Variants in HS6ST3 observed in about 807,000 individuals in gnomAD.
HS6ST3 encodes heparan sulfate 6-O-sulfotransferase 3, also known as heparan-sulfate 6-O-sulfotransferase 3.
In HS6ST3, 12 loss-of-function variants were observed where a neutral mutation model predicts 36.7. The observed-to-expected ratio is 0.33, with a 90% CI of 0.21 to 0.53. The LOEUF is 0.53. Among genes scored for constraint, HS6ST3 ranks in the 20% least tolerant of loss-of-function variants. HS6ST3 has a pLI of 0.95. For synonymous variants in HS6ST3, 240 were observed against 257.5 expected, an observed-to-expected ratio of 0.93 and a Z score of 0.65; for missense variants, 584 against 640.9, an observed-to-expected ratio of 0.91 and a Z score of 0.96.
chr13:96,761,381 G>A (rs781604350), intron 1 of HS6ST3, among the ~76,000 whole-genome samples: 3 of 151,448 alleles, frequency 2.0e-5, no homozygotes, highest in Non-Finnish European at 4.4e-5. Context: ...GGCTCCTTTC[G>A]GTGAGACAGT....
At chr13:96,725,099 T>C (rs548091551) in intron 1 of HS6ST3, among the ~76,000 whole-genome samples, 8 of 152,332 alleles carry the variant, frequency 5.3e-5, no homozygotes, top group Admixed American at 1.3e-4. Flanking sequence ...TATCTGATAG[T>C]GCTTTTAATT....
intron 1 of HS6ST3, among the ~76,000 whole-genome samples, chr13:96,639,089 T>A (rs537926594): frequency 6.6e-6 from 1 of 152,118 alleles, no homozygotes; most frequent in South Asian, 2.1e-4. Context: ...TTTGTAGAGT[T>A]ATTCAAGATT....
At position 96,833,084 on chromosome 13, in the gene HS6ST3, G is replaced by A. The variant is rs2138551304; in HGVS notation, c.1302G>A (p.Arg434=). 1.9e-6 allele frequency: 3 copies of A among 1,610,390 alleles called. No homozygotes were observed. Among genetic ancestry groups the A allele is most frequent in the African/African-American group, 1.3e-5 (1 of 75,058 alleles). Residue 434 remains arginine, a synonymous_variant, in exon 2 of 2, where the codon CGG becomes CGA. Transcript: ENST00000376705. ...AGCACCAGAGGGACCGCCAGAAGCG[G>A]CGGGAGGAGCGGAGGCTGCAGCGAG... ...QLEHQRDRQK[R]REERRLQREH...
intron 1 of HS6ST3, among the ~76,000 whole-genome samples, chr13:96,692,710 G>T (rs1464618377): frequency 6.6e-6 from 1 of 151,914 alleles, no homozygotes; most frequent in Non-Finnish European, 1.5e-5. Flanking sequence ...TCTTTTTTCT[G>T]GAATAGCTTT....
chr13:96,408,931 A>C (rs190463182), intron 1 of HS6ST3, among the ~76,000 whole-genome samples: 2 of 152,248 alleles, frequency 1.3e-5, no homozygotes, highest in East Asian at 3.9e-4. Context: ...CTCAAAAAAA[A>C]AGAAAAGAAA....
At chr13:96,110,379 C>T (rs188650551) in intron 1 of HS6ST3, among the ~76,000 whole-genome samples, 51 of 151,840 alleles carry the variant, frequency 3.4e-4, no homozygotes, top group South Asian at 2.5e-3. Flanking sequence ...AAACACCCCC[C>T]TCCAGGCCTC....
At chr13:96,608,710 G>A (rs1360782147) in intron 1 of HS6ST3, among the ~76,000 whole-genome samples, 1 of 152,184 alleles carries the variant, frequency 6.6e-6, no homozygotes, top group African/African-American at 2.4e-5. Flanking sequence ...AGCAAAACCA[G>A]AGTAATTAGA....
chr13:96,122,485 T>C (rs973496750), intron 1 of HS6ST3, among the ~76,000 whole-genome samples: 1 of 152,198 alleles, frequency 6.6e-6, no homozygotes, highest in African/African-American at 2.4e-5. Flanking sequence ...TCTGCTCACA[T>C]TGTTGTATAG....
At chr13:96,106,185 T>A (rs972575113) in intron 1 of HS6ST3, among the ~76,000 whole-genome samples, 1 of 152,262 alleles carries the variant, frequency 6.6e-6, no homozygotes, top group Non-Finnish European at 1.5e-5. Flanking sequence ...TCTGATACTC[T>A]TTCCTTGAAG....
At chr13:96,207,757 T>C (rs753676642) in intron 1 of HS6ST3, among the ~76,000 whole-genome samples, 5 of 152,156 alleles carry the variant, frequency 3.3e-5, no homozygotes, top group Admixed American at 2.6e-4. Context: ...TTCTCACTTA[T>C]AAGTGGGAGC....
At chr13:96,521,323 C>T (rs915347198) in intron 1 of HS6ST3, among the ~76,000 whole-genome samples, 7 of 151,934 alleles carry the variant, frequency 4.6e-5, no homozygotes, top group East Asian at 3.9e-4. Context: ...TTTTTTGTGG[C>T]GTGTCTGCCA....
At chr13:96,605,722 A>G (rs2056436323) in intron 1 of HS6ST3, among the ~76,000 whole-genome samples, 1 of 152,146 alleles carries the variant, frequency 6.6e-6, no homozygotes, top group Non-Finnish European at 1.5e-5. Context: ...CAAATGGTTC[A>G]ATATTTTAAA....
At chr13:96,333,658 C>T (rs2055084473) in intron 1 of HS6ST3, among the ~76,000 whole-genome samples, 1 of 152,118 alleles carries the variant, frequency 6.6e-6, no homozygotes, top group African/African-American at 2.4e-5. Context: ...TAGAAGAATG[C>T]AGTAAAGCAT....
intron 1 of HS6ST3, among the ~76,000 whole-genome samples, chr13:96,130,017 A>T (rs1425811955): frequency 1.3e-5 from 2 of 152,186 alleles, no homozygotes. Flanking sequence ...AGTGTGTCTC[A>T]TTCCTGGTGC....
chr13:96,110,964 C>G (rs975588030), intron 1 of HS6ST3, among the ~76,000 whole-genome samples: 4 of 152,048 alleles, frequency 2.6e-5, no homozygotes, highest in African/African-American at 9.7e-5. Context: ...CCATTTGTGT[C>G]CTGATGTGTC....
chr13:96,772,649 G>A (rs913103708), intron 1 of HS6ST3, among the ~76,000 whole-genome samples: 18 of 152,250 alleles, frequency 1.2e-4, no homozygotes, highest in African/African-American at 4.3e-4. Flanking sequence ...CAATGACTAA[G>A]GGATGTTAAG....
chr13:96,542,019 C>A (rs1185432104), intron 1 of HS6ST3, among the ~76,000 whole-genome samples: 1 of 152,172 alleles, frequency 6.6e-6, no homozygotes, highest in Admixed American at 6.6e-5. Context: ...TGGATCAAAG[C>A]ACTTTTACCT....
At chr13:96,223,512 G>A (rs2139363746) in intron 1 of HS6ST3, among the ~76,000 whole-genome samples, 1 of 152,304 alleles carries the variant, frequency 6.6e-6, no homozygotes, top group East Asian at 1.9e-4. Context: ...TTTTTCTGAT[G>A]CCCCAGCCTG....
chr13:96,645,732 C>T (rs1347498065), intron 1 of HS6ST3, among the ~76,000 whole-genome samples: 1 of 151,678 alleles, frequency 6.6e-6, no homozygotes, highest in Non-Finnish European at 1.5e-5. Flanking sequence ...GATGGCTCAT[C>T]TTAAATGGTT....
Sources: allele counts gnomAD v4.1 joint callset (sites outside exome capture counted in the v4.1 genomes callset), GRCh38; gene constraint gnomAD v4.1.1; transcripts MANE v1.5; gene names NCBI Gene and HGNC (gene_info 2026-07-23, HGNC 2026-07-21).